The following PIKFYVE variants were observed in gnomAD, a reference collection of about 807,000 sequenced individuals.
The protein encoded by PIKFYVE is phosphoinositide kinase, FYVE-type zinc finger containing.
In PIKFYVE, 122 loss-of-function variants were observed where a neutral mutation model predicts 257.9. That is an observed-to-expected ratio of 0.47 (90% CI 0.41 to 0.55). The LOEUF is 0.55. PIKFYVE is among the 20% of genes least tolerant of loss of function. The pLI is 0.00. For missense variants in PIKFYVE, 2,160 were observed against 2,536.6 expected (o/e 0.85, Z 3.19); for synonymous variants, 892 against 868.9 (o/e 1.03, Z -0.47).
At chr2:208,327,661 C>A (rs1208172926) in intron 20 of PIKFYVE, among the ~76,000 whole-genome samples, 1 of 152,128 alleles carries the variant, frequency 6.6e-6, no homozygotes, top group Admixed American at 6.5e-5. Context: ...AACTCCGCAG[C>A]TTAGGAGGTG....
intron 7 of PIKFYVE, among the ~76,000 whole-genome samples, chr2:208,293,822 G>C (rs1692624354): frequency 6.6e-6 from 1 of 151,950 alleles, no homozygotes; most frequent in Non-Finnish European, 1.5e-5. Context: ...GGTCTTTAAG[G>C]TGGTCTTTTT....
Position 208,271,574 on chromosome 2 carries a change from C to T in PIKFYVE, c.55C>T (p.Arg19Ter), listed in dbSNP as rs1689426508. ...PTLDSANDLP[R>*]SPTSPSHLTH... is the part of the protein sequence containing the mutation. ...ACTGGACTCTGCTAATGATTTGCCTCGATCTCCTACTAGTCCTTCTCATCT... is the reference window on the plus strand; with the variant it reads ...ACTGGACTCTGCTAATGATTTGCCTTGATCTCCTACTAGTCCTTCTCATCT... The change falls in exon 2 of 42, where the codon CGA becomes TGA. Residue 19 changes from arginine (R) to a stop codon, truncating the protein, a stop_gained. Coordinates refer to ENST00000264380, the MANE Select transcript of PIKFYVE (RefSeq NM_015040.4). LOFTEE classifies it high-confidence loss of function. 2.5e-6 allele frequency: 4 copies of T among 1,614,132 alleles called. No individual in the cohort carries two copies. The highest frequency in any genetic ancestry group is 3.4e-6 in the Non-Finnish European group (4 of 1,179,986).
At chr2:208,272,996 T>C (rs1689637555) in intron 2 of PIKFYVE, among the ~76,000 whole-genome samples, 1 of 152,210 alleles carries the variant, frequency 6.6e-6, no homozygotes, top group East Asian at 1.9e-4. Context: ...TTTTTACCAG[T>C]TGTTCTTTTT....
At chr2:208,342,794 C>CTTTTTTTTT (rs35986928) in intron 32 of PIKFYVE, 145 bp downstream of exon 32, 8 of 380,110 alleles carry the variant, frequency 2.1e-5, no homozygotes, top group Non-Finnish European at 3.3e-5. Context: ...ATAGCTTGTT[C>CTTTTTTTTT]TTTTTTTTTT....
chr2:208,304,409 C>T lies in PIKFYVE; in HGVS notation c.1468+91C>T. The T allele has an allele frequency of 2.7e-6, 4 of 1,506,302 alleles. No individual in the cohort carries two copies. The South Asian group carries it at 4.5e-5, about 17-fold the overall frequency. 93.3% of individuals were successfully genotyped at this position (1,506,302 alleles called of 1,614,324 possible). ...TATCTTGTTTGTTGAAATAATTCAG[C>T]TTTATAATTTATGGCTCCAACTAAA... On this transcript the variant is annotated intron_variant, in intron 11 of 41. Coordinates refer to ENST00000264380, the MANE Select transcript of PIKFYVE (RefSeq NM_015040.4).
At chr2:208,295,914 AAGT>A (rs898409667) in intron 7 of PIKFYVE, among the ~76,000 whole-genome samples, 32 of 152,206 alleles carry the variant, frequency 2.1e-4, no homozygotes, top group Non-Finnish European at 3.8e-4. Flanking sequence ...TGATTTTTCT[AAGT>A]CTATCATTGC....
chr2:208,304,105 G>C (rs2125353860), intron 10 of PIKFYVE, 66 bp from the exon 11 acceptor site: 1 of 1,520,682 alleles, frequency 6.6e-7, no homozygotes, highest in Non-Finnish European at 9.1e-7. Context: ...TTTATTTATA[G>C]TGTGACAGCC....
intron 6 of PIKFYVE, among the ~76,000 whole-genome samples, chr2:208,288,092 G>T (rs1261568405): frequency 6.6e-6 from 1 of 152,202 alleles, no homozygotes; most frequent in African/African-American, 2.4e-5. Flanking sequence ...GGGCAGATGT[G>T]ATTTAACAAA....
At chr2:208,352,576 A>G in intron 38 of PIKFYVE, 78 bp from the exon 39 acceptor site, 3 of 1,511,238 alleles carry the variant, frequency 2.0e-6, no homozygotes, top group East Asian at 2.4e-5. Context: ...CAGTTATTAC[A>G]TGGATAATCC....
intron 28 of PIKFYVE, 95 bp from the exon 29 acceptor site, chr2:208,338,413 C>G: frequency 1.8e-6 from 2 of 1,140,958 alleles, no homozygotes; most frequent in Non-Finnish European, 1.3e-6. Context: ...TAAATGGGTC[C>G]TGAGACCAAA....
chr2:208,326,841 CA>C (rs934712010), intron 20 of PIKFYVE, among the ~76,000 whole-genome samples: 1 of 151,936 alleles, frequency 6.6e-6, no homozygotes, highest in East Asian at 1.9e-4. Context: ...TTTGTTTTCT[CA>C]AAAAAAGTTA....
intron 1 of PIKFYVE, 105 bp from the exon 2 acceptor site, chr2:208,271,406 G>C (rs1401781640): frequency 5.5e-6 from 6 of 1,099,698 alleles, no homozygotes; most frequent in African/African-American, 1.6e-5. Context: ...TTCATAGTCT[G>C]ACTTTTCACA....
At chr2:208,322,034 AAG>A (rs1333489473) in intron 17 of PIKFYVE, among the ~76,000 whole-genome samples, 2 of 152,160 alleles carry the variant, frequency 1.3e-5, no homozygotes, top group African/African-American at 4.8e-5. Flanking sequence ...GATCCAGAAA[AAG>A]GGATAACTCA....
At chr2:208,286,206 A>G (rs1691554522) in intron 6 of PIKFYVE, among the ~76,000 whole-genome samples, 1 of 152,238 alleles carries the variant, frequency 6.6e-6, no homozygotes, top group African/African-American at 2.4e-5. Context: ...CATGGCATGT[A>G]TATAATCTTG....
chr2:208,349,112 G>A (rs888920158), intron 35 of PIKFYVE, among the ~76,000 whole-genome samples: 2 of 152,156 alleles, frequency 1.3e-5, no homozygotes, highest in Non-Finnish European at 2.9e-5. Flanking sequence ...GCAGTGAGCC[G>A]AGATTGCGCC....
intron 23 of PIKFYVE, among the ~76,000 whole-genome samples, chr2:208,332,389 G>T (rs1697646781): frequency 6.6e-6 from 1 of 152,086 alleles, no homozygotes; most frequent in Admixed American, 6.6e-5. Context: ...ACTTGTTTTG[G>T]AAGATAATGT....
chr2:208,329,077 A>C (rs1574656396), intron 21 of PIKFYVE, among the ~76,000 whole-genome samples: 1 of 152,174 alleles, frequency 6.6e-6, no homozygotes, highest in Non-Finnish European at 1.5e-5. Flanking sequence ...TTATGTTTTA[A>C]ATTATTTTTT....
intron 20 of PIKFYVE, among the ~76,000 whole-genome samples, chr2:208,327,009 G>A (rs1697004988): frequency 6.6e-6 from 1 of 152,110 alleles, no homozygotes. Flanking sequence ...ATTGCTAGAT[G>A]AGGAAATGCA....
At chr2:208,348,447 C>T (rs772863423) in intron 35 of PIKFYVE, among the ~76,000 whole-genome samples, 2 of 152,044 alleles carry the variant, frequency 1.3e-5, no homozygotes, top group Non-Finnish European at 2.9e-5. Flanking sequence ...TTCATTTTGA[C>T]ATTTAAAAAT....
Sources: allele counts gnomAD v4.1 joint callset (sites outside exome capture counted in the v4.1 genomes callset), GRCh38; gene constraint gnomAD v4.1.1; transcripts MANE v1.5; gene names NCBI Gene and HGNC (gene_info 2026-07-23, HGNC 2026-07-21).